EIF2S1: variants seen among roughly 807,000 people sequenced by gnomAD.
EIF2S1 encodes the protein eukaryotic translation initiation factor 2 subunit alpha, also known as eukaryotic translation initiation factor 2 subunit 1.
In EIF2S1, 5 loss-of-function variants were observed where a neutral mutation model predicts 33.5. That is an observed-to-expected ratio of 0.15 (90% CI 0.08 to 0.31). EIF2S1 has a LOEUF of 0.31. Ranked by LOEUF, EIF2S1 falls within the 10% of genes least tolerant of loss-of-function variation. EIF2S1 has a pLI of 1.00. For missense variants in EIF2S1, 191 were observed against 384.6 expected (o/e 0.50, Z 4.21); for synonymous variants, 99 against 127.5 (o/e 0.78, Z 1.51).
In EIF2S1 at chr14:67,383,587, C is replaced by A; in HGVS notation, c.*147C>A. On this transcript the variant is annotated 3_prime_UTR_variant, in exon 8 of 8. Coordinates refer to ENST00000256383, the MANE Select transcript of EIF2S1 (RefSeq NM_004094.5). Reference sequence around the variant, plus strand: ...ATTTAAATGTTCTAACAGATCAGAACATGAAATGCCCTCCTAAATGTCAGC... The same window carrying A: ...ATTTAAATGTTCTAACAGATCAGAAAATGAAATGCCCTCCTAAATGTCAGC... 1 of 1,159,758 alleles carries A rather than the reference C, an allele frequency of 8.6e-7. No individual in the cohort carries two copies. The highest frequency in any genetic ancestry group is 1.2e-6 in the Non-Finnish European group (1 of 821,608). 71.8% of individuals were successfully genotyped at this position (1,159,758 alleles called of 1,614,324 possible). A position where few individuals can be genotyped will look rare whatever the true frequency, so the allele number is the denominator to read the frequency against.
chr14:67,374,041 T>C (rs2085842977), intron 2 of EIF2S1, among the ~76,000 whole-genome samples: 1 of 152,166 alleles, frequency 6.6e-6, no homozygotes, highest in Admixed American at 6.5e-5. Flanking sequence ...GGAATATATA[T>C]AATTACCTGA....
chr14:67,373,115 G>C (rs2141138864), intron 2 of EIF2S1, among the ~76,000 whole-genome samples: 1 of 152,176 alleles, frequency 6.6e-6, no homozygotes, highest in African/African-American at 2.4e-5. Context: ...ATTCACTTTG[G>C]GAAAGTTTGG....
chr14:67,386,052 C>G lies in EIF2S1; in HGVS notation c.*2612C>G, dbSNP rs971486036. On this transcript the variant is annotated 3_prime_UTR_variant, in exon 8 of 8. Coordinates refer to ENST00000256383, the MANE Select transcript of EIF2S1 (RefSeq NM_004094.5). ...CATCTACTTTGCAACCTATGGAGATCCTGATAGCTCCCATACAAAGTGAGG... is the reference window on the plus strand; with the variant it reads ...CATCTACTTTGCAACCTATGGAGATGCTGATAGCTCCCATACAAAGTGAGG... 2.0e-5 allele frequency: 3 copies of G among 152,268 alleles called. No homozygotes were observed. Among genetic ancestry groups the G allele is most frequent in the African/African-American group, 7.2e-5 (3 of 41,408 alleles). The allele number at this position is 152,268 out of a possible 1,614,324, so 9.4% of individuals were successfully genotyped here.
In EIF2S1 at chr14:67,382,559, A is replaced by G. The variant is rs1304685090; in HGVS notation, c.791A>G (p.Glu264Gly). The G allele has an allele frequency of 1.2e-6, 2 of 1,613,870 alleles. No homozygotes were observed. Among genetic ancestry groups the G allele is most frequent in the Non-Finnish European group, 8.5e-7 (1 of 1,179,894 alleles). The change falls in exon 7 of 8, where the codon GAA becomes GGA. Residue 264 changes from glutamate (E) to glycine (G), a missense_variant. By Grantham distance (98) the Glu-to-Gly change is moderately conservative. Coordinates refer to ENST00000256383, the MANE Select transcript of EIF2S1 (RefSeq NM_004094.5). ...AMAVIKEKIE[E>G]KRGVFNVQME... ...GCTGTTATCAAAGAGAAGATTGAGGAAAAGAGGGGTGTGTTCAATGTTCAA... is the reference window on the plus strand; with the variant it reads ...GCTGTTATCAAAGAGAAGATTGAGGGAAAGAGGGGTGTGTTCAATGTTCAA...
intron 5 of EIF2S1, 93 bp downstream of exon 5, chr14:67,380,858 C>T (rs1445556812): frequency 1.7e-6 from 1 of 586,532 alleles, no homozygotes; most frequent in Non-Finnish European, 2.7e-6. Flanking sequence ...GTTGCTACAT[C>T]AACATCTATA....
rs1162363499 is a variant in EIF2S1, at chr14:67,384,914, G to A, written c.*1474G>A. 1 of 152,164 alleles carries A rather than the reference G, an allele frequency of 6.6e-6. No individual in the cohort carries two copies. The highest frequency in any genetic ancestry group is 1.5e-5 in the Non-Finnish European group (1 of 68,030). 9.4% of individuals were successfully genotyped at this position (152,164 alleles called of 1,614,324 possible). On this transcript the variant is annotated 3_prime_UTR_variant, in exon 8 of 8. Coordinates refer to ENST00000256383, the MANE Select transcript of EIF2S1 (RefSeq NM_004094.5). Reference sequence around the variant, plus strand: ...ATCAAAAAAACAAGTTTAGAAAGCTGGCAACATGAAGAATGCATTCAAAAT... The same window carrying A: ...ATCAAAAAAACAAGTTTAGAAAGCTAGCAACATGAAGAATGCATTCAAAAT...
At chr14:67,380,064 A>C (rs1326232277) in intron 4 of EIF2S1, among the ~76,000 whole-genome samples, 4 of 152,086 alleles carry the variant, frequency 2.6e-5, no homozygotes, top group African/African-American at 9.7e-5. Flanking sequence ...AGCCTTATGT[A>C]TCATAACTTT....
At chr14:67,365,772 A>C (rs1034073924) in intron 2 of EIF2S1, among the ~76,000 whole-genome samples, 1 of 152,174 alleles carries the variant, frequency 6.6e-6, no homozygotes, top group African/African-American at 2.4e-5. Flanking sequence ...CCTTGATTCA[A>C]CTTACCCTTC....
At chr14:67,383,240 G>A (rs2085899442) in intron 7 of EIF2S1, 75 bp from the exon 8 acceptor site, 31 of 1,491,874 alleles carry the variant, frequency 2.1e-5, no homozygotes, top group Non-Finnish European at 2.7e-5. Flanking sequence ...GAAAACATTA[G>A]GCAGTAATAG....
intron 1 of EIF2S1, 99 bp from the exon 2 acceptor site, chr14:67,364,668 T>C: frequency 8.1e-7 from 1 of 1,237,292 alleles, no homozygotes; most frequent in Non-Finnish European, 1.1e-6. Context: ...AACTATTTTT[T>C]TCTTCATCTT....
At position 67,382,608 on chromosome 14, in the gene EIF2S1, A is replaced by G. The variant is rs2085893816; in HGVS notation, c.822+18A>G. On this transcript the variant is annotated intron_variant, in intron 7 of 7. Transcript: ENST00000256383. Reference sequence around the variant, plus strand: ...AAATGGAGGTGAGATCAATAGATTCATTTTTAATAATGACTCAGGAGGTTC... The same window carrying G: ...AAATGGAGGTGAGATCAATAGATTCGTTTTTAATAATGACTCAGGAGGTTC... The G allele has an allele frequency of 1.9e-6, 3 of 1,613,474 alleles. No homozygotes were observed. Among genetic ancestry groups the G allele is most frequent in the African/African-American group, 2.7e-5 (2 of 74,918 alleles).
intron 2 of EIF2S1, among the ~76,000 whole-genome samples, chr14:67,368,211 A>C (rs1595644972): frequency 6.6e-6 from 1 of 152,170 alleles, no homozygotes; most frequent in East Asian, 1.9e-4. Context: ...AGCAGCGTAA[A>C]CGGCTTGCAG....
chr14:67,381,453 A>T (rs1353278714), intron 5 of EIF2S1, 140 bp from the exon 6 acceptor site: 3 of 536,300 alleles, frequency 5.6e-6, no homozygotes, highest in Admixed American at 3.1e-5. Context: ...TCCCTTTTAT[A>T]AATAAGGAAC....
At chr14:67,381,393 A>G (rs1365569747) in intron 5 of EIF2S1, among the ~76,000 whole-genome samples, 200 bp from the exon 6 acceptor site, 1 of 152,224 alleles carries the variant, frequency 6.6e-6, no homozygotes, top group Non-Finnish European at 1.5e-5. Flanking sequence ...ACCGTTTTAG[A>G]TAAGTTGCAG....
At chr14:67,375,052 T>C (rs953479110) in intron 3 of EIF2S1, among the ~76,000 whole-genome samples, 2 of 152,184 alleles carry the variant, frequency 1.3e-5, no homozygotes, top group East Asian at 1.9e-4. Flanking sequence ...TTGGTTTTTT[T>C]CCCCCTCCAC....
intron 4 of EIF2S1, among the ~76,000 whole-genome samples, chr14:67,378,217 GA>G (rs967989572): frequency 1.3e-5 from 2 of 150,960 alleles, no homozygotes; most frequent in Non-Finnish European, 2.9e-5. Context: ...TTAGAGGGGG[GA>G]AAAAAGAGAA....
At chr14:67,376,414 G>T (rs1254998261) in intron 3 of EIF2S1, 25 bp from the exon 4 acceptor site, 2 of 1,564,948 alleles carry the variant, frequency 1.3e-6, no homozygotes, top group Non-Finnish European at 1.7e-6. Flanking sequence ...TCTTTGAATT[G>T]TTGAGCTTTT....
chr14:67,381,758 GTTTC>G, intron 6 of EIF2S1, 68 bp downstream of exon 6: 1 of 1,040,046 alleles, frequency 9.6e-7, no homozygotes, highest in Admixed American at 2.6e-5. Context: ...TTTGATCTTT[GTTTC>G]TTTTTTTTTT....
intron 2 of EIF2S1, among the ~76,000 whole-genome samples, chr14:67,369,756 T>C (rs1566611987): frequency 6.6e-6 from 1 of 152,224 alleles, no homozygotes; most frequent in East Asian, 1.9e-4. Flanking sequence ...CTTTAATTAC[T>C]TATATTAGAA....
Sources: gnomAD v4.1 joint callset for allele counts (sites outside exome capture counted in the v4.1 genomes callset) on GRCh38, gnomAD v4.1.1 for gene constraint, MANE v1.5 for transcripts, NCBI Gene and HGNC (gene_info 2026-07-23, HGNC 2026-07-21) for gene names.